Variants in EPX observed in about 807,000 individuals in gnomAD.
EPX encodes the protein eosinophil peroxidase.
EPX carries 60 observed loss-of-function variants against 73.0 expected under a neutral mutation model. The ratio of observed to expected loss-of-function variants is 0.82; its 90% CI spans 0.67 to 1.02. EPX has a LOEUF of 1.02. Among genes scored for constraint, EPX ranks in the 50% least tolerant of loss-of-function variants. The probability of loss-of-function intolerance (pLI) is 0.00; values close to 1 mark genes in which losing one functional copy is unlikely to be tolerated. For synonymous variants in EPX, 347 were observed against 389.2 expected, an observed-to-expected ratio of 0.89 and a Z score of 1.28; for missense variants, 950 against 973.9, an observed-to-expected ratio of 0.98 and a Z score of 0.33.
chr17:58,204,038 G>C (rs939809621), intron 11 of EPX, among the ~76,000 whole-genome samples, 184 bp from the exon 12 acceptor site: 3 of 141,920 alleles, frequency 2.1e-5, no homozygotes, highest in Non-Finnish European at 4.5e-5. Flanking sequence ...TTAAATTACT[G>C]TGCACTTAAT....
Position 58,199,656 on chromosome 17 carries a change from AC to A in EPX, c.1402del (p.Leu468TrpfsTer62), listed in dbSNP as rs772076605. The A allele has an allele frequency of 4.3e-5, 69 of 1,614,002 alleles. No individual in the cohort carries two copies. The highest frequency in any genetic ancestry group is 5.8e-5 in the Non-Finnish European group (68 of 1,180,034). On this transcript the variant is annotated frameshift_variant, in exon 9 of 13. Transcript: ENST00000225371. LOFTEE classifies it high-confidence loss of function. ...GGACCCACGGGTGGCCAATGTCTTC[AC>A]CCTGGCCTTCCGCTTTGGCCACACA... ...NVDPRVANVF[T>X]LAFRFGHTML...
At position 58,202,763 on chromosome 17, in the gene EPX, T is replaced by C. The variant is rs561646899; in HGVS notation, c.1709-318T>C. On this transcript the variant is annotated intron_variant, in intron 10 of 12. Coordinates refer to ENST00000225371, the MANE Select transcript of EPX (RefSeq NM_000502.6). ...TATATTCTGGGTACTGTCTTACTTG[T>C]GTCTAATGAATGCAGTCGAGCCCAG... The C allele has an allele frequency of 4.9e-4, 193 of 390,040 alleles. 2 individuals carry two copies. Among genetic ancestry groups the C allele is most frequent in the South Asian group, 4.4e-3 (183 of 41,412 alleles). The allele number at this position is 390,040 out of a possible 1,614,324, so 24.2% of individuals were successfully genotyped here. A position where few individuals can be genotyped will look rare whatever the true frequency, so the allele number is the denominator to read the frequency against.
chr17:58,194,446 G>A (rs185252700), intron 5 of EPX, among the ~76,000 whole-genome samples: 2 of 152,162 alleles, frequency 1.3e-5, no homozygotes, highest in East Asian at 3.9e-4. Context: ...TTTATCTATT[G>A]ATCTATTTCA....
At position 58,193,785 on chromosome 17, in the gene EPX, C is replaced by T. The variant is rs1454539064; in HGVS notation, c.418C>T (p.Arg140Cys). The change falls in exon 4 of 13, where the codon CGC becomes TGC. Residue 140 changes from arginine to cysteine, a missense_variant. Arg to Cys is a radical substitution (Grantham distance 180). Coordinates refer to ENST00000225371, the MANE Select transcript of EPX (RefSeq NM_000502.6). ...SGCALRDQAE[R>C]CSDKYRTITG... ...CTGTGCTCTCCGGGACCAGGCCGAGCGCTGCAGCGACAAGTACCGCACCAT... is the reference window on the plus strand; with the variant it reads ...CTGTGCTCTCCGGGACCAGGCCGAGTGCTGCAGCGACAAGTACCGCACCAT... The T allele has an allele frequency of 9.9e-6, 16 of 1,612,912 alleles. No individual in the cohort carries two copies. Among genetic ancestry groups the T allele is most frequent in the South Asian group, 4.4e-5 (4 of 91,030 alleles).
In EPX at chr17:58,194,023, T is replaced by G. The variant is rs763991886; in HGVS notation, c.525T>G (p.Tyr175Ter). The change falls in exon 5 of 13, where the codon TAT becomes TAG. Residue 175 changes from tyrosine (Y) to a stop codon, truncating the protein, a stop_gained. Transcript: ENST00000225371. LOFTEE classifies it high-confidence loss of function. ...QALARWLPAE[Y>*]EDGLSLPFGW... Reference sequence around the variant, plus strand: ...TGGCTCGCTGGCTGCCCGCCGAGTATGAGGATGGGCTGTCGCTCCCCTTCG... The same window carrying G: ...TGGCTCGCTGGCTGCCCGCCGAGTAGGAGGATGGGCTGTCGCTCCCCTTCG... The G allele has an allele frequency of 2.5e-6, 4 of 1,613,364 alleles. No homozygotes were observed. In the East Asian group the frequency reaches 8.9e-5, roughly 36 times the overall value.
At chr17:58,202,781 G>T in intron 10 of EPX, 1 of 422,254 alleles carries the variant, frequency 2.4e-6, no homozygotes, top group Non-Finnish European at 4.4e-6. Flanking sequence ...GAATGCAGTC[G>T]AGCCCAGTAA....
chr17:58,202,812 G>A, intron 10 of EPX: 1 of 495,538 alleles, frequency 2.0e-6, no homozygotes, highest in South Asian at 2.1e-5. Flanking sequence ...TGTCGGATTT[G>A]TGGTTATGAG....
intron 7 of EPX, among the ~76,000 whole-genome samples, chr17:58,197,942 T>C (rs1182224958): frequency 6.6e-6 from 1 of 152,148 alleles, no homozygotes; most frequent in Non-Finnish European, 1.5e-5. Context: ...TTCAAGTGAT[T>C]CCCCTGCCTC....
Position 58,200,385 on chromosome 17 carries a change from C to G in EPX, c.1698C>G (p.His566Gln). 1 of 1,614,138 alleles carries G rather than the reference C, an allele frequency of 6.2e-7. No individual in the cohort carries two copies. Among genetic ancestry groups the G allele is most frequent in the Non-Finnish European group, 8.5e-7 (1 of 1,180,026 alleles). The change falls in exon 10 of 13, where the codon CAC (histidine) becomes CAG (glutamine). Residue 566 changes from histidine to glutamine, a missense_variant. By Grantham distance (24) the His-to-Gln change is conservative. Coordinates refer to ENST00000225371, the MANE Select transcript of EPX (RefSeq NM_000502.6). ...TCAACATGCAACGAAGCCGGGACCACGGCCTTCCAGGTGAGGGGGCTGTCC... is the reference window on the plus strand; with the variant it reads ...TCAACATGCAACGAAGCCGGGACCAGGGCCTTCCAGGTGAGGGGGCTGTCC... ...AALNMQRSRD[H>Q]GLPGYNAWRR...
chr17:58,198,056 G>A (rs1232991817), intron 7 of EPX, among the ~76,000 whole-genome samples: 3 of 152,080 alleles, frequency 2.0e-5, no homozygotes, highest in African/African-American at 7.2e-5. Context: ...GGCTGGTCTC[G>A]AACTCCTGAC....
In EPX at chr17:58,199,159, C is replaced by T; in HGVS notation, c.1240C>T (p.Leu414=). The stretch of plus-strand genomic sequence containing the variant: ...GAATCCCCGGTGGAATGGAGACAAA[C>T]TGTACAATGAGGCTCGGAAGATCAT... The part of the protein sequence containing the change: ...RLNPRWNGDK[L]YNEARKIMGA... The change falls in exon 8 of 13, where the codon CTG becomes TTG. Residue 414 remains leucine (L), a synonymous_variant. Transcript: ENST00000225371. The T allele has an allele frequency of 1.9e-6, 3 of 1,614,130 alleles. No individual in the cohort carries two copies. The highest frequency in any genetic ancestry group is 2.2e-5 in the South Asian group (2 of 91,078).
rs747625984 is a variant in EPX at position 58,199,751 on chromosome 17, A to G, written c.1494A>G (p.Pro498=). The G allele has an allele frequency of 3.1e-6, 5 of 1,613,418 alleles. No individual in the cohort carries two copies. The highest frequency in any genetic ancestry group is 4.2e-6 in the Non-Finnish European group (5 of 1,179,952). ...CCTCCGCACCCAACTCGCATGTCCC[A>G]CTTAGCTCTGCCTTCTTTGCCAGCT... ...YRASAPNSHV[P]LSSAFFASWR... is the part of the protein sequence containing the mutation. Residue 498 remains proline, a synonymous_variant, in exon 9 of 13, where the codon CCA becomes CCG. Transcript: ENST00000225371.
chr17:58,192,760 T>C lies in EPX; in HGVS notation c.-87T>C, dbSNP rs12602891. The C allele has an allele frequency of 0.44, 498,977 of 1,135,082 alleles. 112,089 individuals are homozygous for C. Among genetic ancestry groups the C allele is most frequent in the Non-Finnish European group, 0.46 (350,572 of 768,858 alleles). The allele number at this position is 1,135,082 out of a possible 1,614,324, so 70.3% of individuals were successfully genotyped here. A position where few individuals can be genotyped will look rare whatever the true frequency, so the allele number is the denominator to read the frequency against. ...GAGGAAGTGAGAGGTCGGCTGGGGG[T>C]CCTCAAAGTGAGAGGGGAGCAGAGG... is the stretch of plus-strand genomic sequence containing the variant. On this transcript the variant is annotated 5_prime_UTR_variant, in exon 1 of 13. Coordinates refer to ENST00000225371, the MANE Select transcript of EPX (RefSeq NM_000502.6).
At chr17:58,194,871 A>AG in intron 5 of EPX, 93 bp from the exon 6 acceptor site, 1 of 892,284 alleles carries the variant, frequency 1.1e-6, no homozygotes, top group East Asian at 2.6e-5. Context: ...CAATTCCAGC[A>AG]GGGGAGCTGC....
chr17:58,200,366 T>G lies in EPX; in HGVS notation c.1679T>G (p.Met560Arg). Residue 560 changes from methionine (M) to arginine (R), a missense_variant, in exon 10 of 13, where the codon ATG becomes AGG. Coordinates refer to ENST00000225371, the MANE Select transcript of EPX (RefSeq NM_000502.6). ...RIGLDLAALN[M>R]QRSRDHGLPG... is the part of the protein sequence containing the mutation. ...GGGCTGGACCTGGCAGCTCTCAACA[T>G]GCAACGAAGCCGGGACCACGGCCTT... is the stretch of plus-strand genomic sequence containing the variant. The G allele has an allele frequency of 1.2e-6, 2 of 1,614,206 alleles. No individual in the cohort carries two copies. The highest frequency in any genetic ancestry group is 1.7e-6 in the Non-Finnish European group (2 of 1,180,048).
chr17:58,193,839 C>A lies in EPX; in HGVS notation c.464+8C>A, dbSNP rs36066186. On this transcript the variant is annotated splice_region_variant and intron_variant, in intron 4 of 12. Coordinates refer to ENST00000225371, the MANE Select transcript of EPX (RefSeq NM_000502.6). ...TGGACGGTGCAACAACAAGTGCGTG[C>A]GGGGCGGCAGGAGGGGCTGCCCCTG... The A allele has an allele frequency of 3.7e-6, 6 of 1,606,086 alleles. No homozygotes were observed. Among genetic ancestry groups the A allele is most frequent in the Non-Finnish European group, 3.4e-6 (4 of 1,173,148 alleles).
intron 9 of EPX, 68 bp from the exon 10 acceptor site, chr17:58,200,157 C>A (rs1234709376): frequency 2.0e-6 from 3 of 1,484,592 alleles, no homozygotes; most frequent in Non-Finnish European, 2.8e-6. Context: ...AGCTTGGCAT[C>A]ATGTGATAAC....
rs2143707515 is a variant in EPX at position 58,195,613 on chromosome 17, G to A, written c.801+443G>A. On this transcript the variant is annotated intron_variant, in intron 6 of 12. Coordinates refer to ENST00000225371, the MANE Select transcript of EPX (RefSeq NM_000502.6). ...AGGCTAGAAGCCAAGGACAGTGTGG[G>A]GCACTAGGGGAGGAAAGATAGAATC... Among the ~76,000 whole-genome samples, 2 of 152,282 alleles carry A rather than the reference G, an allele frequency of 1.3e-5. 1 individual carries two copies. Among genetic ancestry groups the A allele is most frequent in the South Asian group, 4.1e-4 (2 of 4,828 alleles).
In EPX at chr17:58,197,003, C is replaced by T; in HGVS notation, c.866C>T (p.Pro289Leu). ...TGCATCCCTTTCTTCCGCTCGGCAC[C>T]CTCATGCCCCCAAAACAAGAACAGA... ...RDCIPFFRSA[P>L]SCPQNKNRVR... Residue 289 changes from proline to leucine, a missense_variant, in exon 7 of 13, where the codon CCC becomes CTC. By Grantham distance (98) the Pro-to-Leu change is moderately conservative. Transcript: ENST00000225371. 1 of 1,614,148 alleles carries T rather than the reference C, an allele frequency of 6.2e-7. No homozygotes were observed. Among genetic ancestry groups the T allele is most frequent in the Non-Finnish European group, 8.5e-7 (1 of 1,180,022 alleles).
Sources: allele counts gnomAD v4.1 joint callset (sites outside exome capture counted in the v4.1 genomes callset), GRCh38; gene constraint gnomAD v4.1.1; transcripts MANE v1.5; gene names NCBI Gene and HGNC (gene_info 2026-07-23, HGNC 2026-07-21).